ELOC: variants seen among roughly 807,000 people sequenced by gnomAD.
ELOC encodes the protein elongin C.
For missense variants in ELOC, 38 were observed against 139.0 expected, an observed-to-expected ratio of 0.27 and a Z score of 3.65; for synonymous variants, 40 against 51.3, an observed-to-expected ratio of 0.78 and a Z score of 0.94.
chr8:73,948,952 C>T (rs1247815617), intron 3 of ELOC, among the ~76,000 whole-genome samples: 3 of 152,098 alleles, frequency 2.0e-5, no homozygotes, highest in East Asian at 3.8e-4. Context: ...ATCATGTTAA[C>T]GAGATCTCTT....
At chr8:73,970,920 G>C (rs1815332093) in intron 1 of ELOC, among the ~76,000 whole-genome samples, 1 of 103,654 alleles carries the variant, frequency 9.6e-6, no homozygotes, top group Admixed American at 9.4e-5. Flanking sequence ...TGTAATCCCA[G>C]CTGCTCCAGA....
chr8:73,964,238 T>C (rs1482296837), intron 1 of ELOC, among the ~76,000 whole-genome samples: 1 of 86,454 alleles, frequency 1.2e-5, no homozygotes, highest in African/African-American at 5.6e-5. Flanking sequence ...TATCAACTTA[T>C]AAATGGCCAA....
chr8:73,951,927 G>C (rs1247915955), intron 3 of ELOC, among the ~76,000 whole-genome samples: 1 of 152,124 alleles, frequency 6.6e-6, no homozygotes, highest in Non-Finnish European at 1.5e-5. Context: ...TGGGGAAACG[G>C]TCTCTTCAAT....
At chr8:73,954,690 A>G (rs2131103192) in intron 3 of ELOC, among the ~76,000 whole-genome samples, 1 of 151,074 alleles carries the variant, frequency 6.6e-6, no homozygotes, top group South Asian at 2.1e-4. Context: ...GGAAGGTAGC[A>G]ACTTGTTTTA....
intron 2 of ELOC, among the ~76,000 whole-genome samples, chr8:73,957,162 GA>G (rs1563678449): frequency 7.1e-6 from 1 of 140,804 alleles, no homozygotes; most frequent in Admixed American, 7.5e-5. Flanking sequence ...AACAGAGAAA[GA>G]CCCTGTCTCA....
chr8:73,967,142 C>A (rs959348164), intron 1 of ELOC, among the ~76,000 whole-genome samples: 49 of 152,182 alleles, frequency 3.2e-4, no homozygotes, highest in African/African-American at 1.1e-3. Context: ...ACCAGAGGTT[C>A]ATTTCTATAT....
At chr8:73,958,487 TAAC>T (rs1419168178) in intron 2 of ELOC, among the ~76,000 whole-genome samples, 1 of 152,148 alleles carries the variant, frequency 6.6e-6, no homozygotes, top group East Asian at 1.9e-4. Flanking sequence ...GGTAAAACAT[TAAC>T]AATCTGGTGA....
At chr8:73,948,933 A>T (rs937779458) in intron 3 of ELOC, among the ~76,000 whole-genome samples, 4 of 152,236 alleles carry the variant, frequency 2.6e-5, no homozygotes, top group African/African-American at 9.6e-5. Flanking sequence ...TAGTTTTTTT[A>T]AAAATATGAT....
intron 1 of ELOC, among the ~76,000 whole-genome samples, chr8:73,965,805 A>G (rs978492253): frequency 6.6e-6 from 1 of 152,368 alleles, no homozygotes; most frequent in East Asian, 1.9e-4. Flanking sequence ...TGAAAGTGAC[A>G]TCGGTAATAA....
chr8:73,955,856 C>T, intron 3 of ELOC, 55 bp downstream of exon 3: 1 of 1,517,468 alleles, frequency 6.6e-7, no homozygotes, highest in Middle Eastern at 1.8e-4. Context: ...AACTTAAAAA[C>T]ATCCATCAAA....
intron 1 of ELOC, among the ~76,000 whole-genome samples, chr8:73,960,840 A>G (rs1814539610): frequency 6.6e-6 from 1 of 152,168 alleles, no homozygotes; most frequent in Admixed American, 6.5e-5. Context: ...GGCTGGGTGC[A>G]GTGGCTCACA....
At position 73,959,754 on chromosome 8, in the gene ELOC, C is replaced by CT; in HGVS notation, c.4+10dup. ...CTAGTTAAAACACAAAATTAATTAT[C>CT]TTTAGCTTACCCATTTTGTTCTTAT... is the stretch of plus-strand genomic sequence containing the variant. On this transcript the variant is annotated intron_variant, in intron 2 of 3. Coordinates refer to ENST00000520242, the MANE Select transcript of ELOC (RefSeq NM_005648.4). 2 of 1,558,486 alleles carry CT rather than the reference C, an allele frequency of 1.3e-6. No homozygotes were observed. The highest frequency in any genetic ancestry group is 1.7e-6 in the Non-Finnish European group (2 of 1,154,950).
intron 3 of ELOC, among the ~76,000 whole-genome samples, chr8:73,954,063 GAAA>G: frequency 6.6e-6 from 1 of 152,252 alleles, no homozygotes; most frequent in East Asian, 1.9e-4. Flanking sequence ...TTGAAAACAT[GAAA>G]AATAACAAAA....
chr8:73,965,295 C>G (rs1410837066), intron 1 of ELOC, among the ~76,000 whole-genome samples: 1 of 152,100 alleles, frequency 6.6e-6, no homozygotes, highest in African/African-American at 2.4e-5. Context: ...TACTATACAG[C>G]CACGAGTATA....
chr8:73,955,641 A>G lies in ELOC; in HGVS notation c.148+270T>C. The G allele has an allele frequency of 5.3e-6, 2 of 376,120 alleles. 1 individual carries two copies. The highest frequency in any genetic ancestry group is 6.7e-5 in the South Asian group (2 of 29,794). 23.3% of individuals were successfully genotyped at this position (376,120 alleles called of 1,614,324 possible). On this transcript the variant is annotated intron_variant, in intron 3 of 3. Coordinates refer to ENST00000520242, the MANE Select transcript of ELOC (RefSeq NM_005648.4). ...AAAAAAATTAGCCAGGGGTGGTGGTACACACCTGTAATTCCAGCTACTCTG... is the reference window on the plus strand; with the variant it reads ...AAAAAAATTAGCCAGGGGTGGTGGTGCACACCTGTAATTCCAGCTACTCTG...
chr8:73,961,312 G>A (rs1051577975), intron 1 of ELOC, among the ~76,000 whole-genome samples: 2 of 152,148 alleles, frequency 1.3e-5, no homozygotes, highest in Admixed American at 1.3e-4. Context: ...CTTAAGAGAA[G>A]GGTCAAGAAA....
chr8:73,959,786 C>G lies in ELOC; in HGVS notation c.-18G>C. On this transcript the variant is annotated 5_prime_UTR_variant, in exon 2 of 4. Coordinates refer to ENST00000520242, the MANE Select transcript of ELOC (RefSeq NM_005648.4). ...TTACCCATTTTGTTCTTATGAAATT[C>G]TACTTTGCTTCCCCAGGAACTTTAG... 1 of 1,550,682 alleles carries G rather than the reference C, an allele frequency of 6.4e-7. No individual in the cohort carries two copies. The highest frequency in any genetic ancestry group is 8.7e-7 in the Non-Finnish European group (1 of 1,149,270).
intron 2 of ELOC, among the ~76,000 whole-genome samples, 160 bp downstream of exon 2, chr8:73,959,605 A>G (rs190349652): frequency 6.4e-4 from 98 of 152,308 alleles, no homozygotes; most frequent in Non-Finnish European, 1.1e-3. Context: ...CCGAAAAATC[A>G]TTATGTAGGG....
chr8:73,956,384 C>CAA (rs1316223448), intron 2 of ELOC, among the ~76,000 whole-genome samples: 1 of 150,586 alleles, frequency 6.6e-6, no homozygotes, highest in Non-Finnish European at 1.5e-5. Context: ...AGCTCCATCT[C>CAA]AAAAAAAATA....
Sources: gnomAD v4.1 joint callset for allele counts (sites outside exome capture counted in the v4.1 genomes callset) on GRCh38, gnomAD v4.1.1 for gene constraint, MANE v1.5 for transcripts, NCBI Gene and HGNC (gene_info 2026-07-23, HGNC 2026-07-21) for gene names.